The following AHCTF1 variants were observed in gnomAD, a reference collection of about 807,000 sequenced individuals.
AHCTF1 encodes AT-hook containing transcription factor 1, also known as protein ELYS.
A neutral mutation model predicts 248.4 loss-of-function variants in AHCTF1; 24 were observed. The observed-to-expected ratio is 0.10, with a 90% CI of 0.07 to 0.14. The LOEUF (loss-of-function observed/expected upper bound fraction) is 0.14, where lower values mean the gene tolerates loss of function less well. Ranked by LOEUF, AHCTF1 falls within the 10% of genes least tolerant of loss-of-function variation. AHCTF1 has a pLI of 1.00. For missense variants in AHCTF1, 2,206 were observed against 2,636.2 expected (o/e 0.84, Z 3.57); for synonymous variants, 786 against 929.8 (o/e 0.85, Z 2.81).
At chr1:246,843,718 AAT>A in intron 34 of AHCTF1, 75 bp downstream of exon 34, 2 of 1,003,566 alleles carry the variant, frequency 2.0e-6, no homozygotes, top group Non-Finnish European at 2.6e-6. Flanking sequence ...ATTTAAATAA[AAT>A]AATTTTATTA....
At chr1:246,931,442 C>G in intron 1 of AHCTF1, 136 bp downstream of exon 1, 1 of 1,357,412 alleles carries the variant, frequency 7.4e-7, no homozygotes, top group Non-Finnish European at 9.5e-7. Context: ...GCCCCGCGCA[C>G]GCCCGGCCTA....
intron 32 of AHCTF1, 38 bp downstream of exon 32, chr1:246,853,053 A>G: frequency 1.3e-6 from 2 of 1,510,814 alleles, no homozygotes; most frequent in Middle Eastern, 1.7e-4. Context: ...ACCAAAACTG[A>G]AAGACTGATA....
At chr1:246,903,652 A>AC (rs1038477874) in intron 7 of AHCTF1, among the ~76,000 whole-genome samples, 1,822 of 88,342 alleles carry the variant, frequency 0.021, 68 homozygotes, top group African/African-American at 0.038. Context: ...AGATGGTGAG[A>AC]CCCCCCCCCC....
intron 35 of AHCTF1, 24 bp downstream of exon 35, chr1:246,842,670 C>A (rs780171920): frequency 7.5e-6 from 12 of 1,604,700 alleles, no homozygotes; most frequent in South Asian, 6.6e-5. Context: ...ATCAATCAAT[C>A]AAGAACAGAA....
At chr1:246,881,115 C>T (rs1228001838) in intron 21 of AHCTF1, among the ~76,000 whole-genome samples, 3 of 152,066 alleles carry the variant, frequency 2.0e-5, no homozygotes, top group African/African-American at 4.8e-5. Flanking sequence ...CCACTGATTT[C>T]TAGTGACTGG....
intron 4 of AHCTF1, among the ~76,000 whole-genome samples, chr1:246,908,983 T>C (rs1665593165): frequency 6.6e-6 from 1 of 151,520 alleles, no homozygotes; most frequent in South Asian, 2.1e-4. Context: ...CAGTATTCCC[T>C]CTCATTATTT....
In AHCTF1 at chr1:246,850,356, T is replaced by C; in HGVS notation, c.5650A>G (p.Ser1884Gly). Residue 1884 changes from serine to glycine, a missense_variant, in exon 33 of 36, where the codon AGT becomes GGT. Around this residue, in one of 6 missense-constraint regions of AHCTF1, gnomAD observed 469 missense variants for 470.0 expected, o/e 1.00. Transcript: ENST00000648844. ...TTTAGATCATTTATAATTTCAACAC[T>C]TTCCTGATTTTCTACAGATCTTTTA... Reference protein sequence around the residue: ...RIKRSVENQESVEIINDLKVS... With the variant: ...RIKRSVENQEGVEIINDLKVS... The C allele has an allele frequency of 5.0e-6, 8 of 1,611,752 alleles. No homozygotes were observed. Among genetic ancestry groups the C allele is most frequent in the Non-Finnish European group, 6.8e-6 (8 of 1,178,622 alleles).
intron 21 of AHCTF1, among the ~76,000 whole-genome samples, chr1:246,881,209 T>A (rs183940591): frequency 4.2e-4 from 64 of 152,244 alleles, no homozygotes; most frequent in African/African-American, 1.5e-3. Context: ...CAAGTATTCA[T>A]AATAAAGAAG....
At chr1:246,923,369 TG>T (rs1418936974) in intron 1 of AHCTF1, among the ~76,000 whole-genome samples, 2 of 151,982 alleles carry the variant, frequency 1.3e-5, no homozygotes, top group Non-Finnish European at 2.9e-5. Context: ...GGGCCAAAAT[TG>T]TGCCACTGCA....
At chr1:246,859,000 G>A (rs993886717) in intron 29 of AHCTF1, among the ~76,000 whole-genome samples, 1 of 152,154 alleles carries the variant, frequency 6.6e-6, no homozygotes, top group South Asian at 2.1e-4. Flanking sequence ...GCTGAGGCAA[G>A]AGAAGAGGTT....
chr1:246,867,390 G>T, intron 25 of AHCTF1, 39 bp from the exon 26 acceptor site: 1 of 1,339,668 alleles, frequency 7.5e-7, no homozygotes, highest in South Asian at 1.4e-5. Context: ...GTATCACAAG[G>T]AGCACTGATA....
chr1:246,907,928 C>A (rs1665510004), intron 4 of AHCTF1, among the ~76,000 whole-genome samples, 170 bp from the exon 5 acceptor site: 1 of 152,104 alleles, frequency 6.6e-6, no homozygotes, highest in Admixed American at 6.5e-5. Flanking sequence ...AAATTGCCAT[C>A]CTTATCTATT....
chr1:246,876,042 C>T lies in AHCTF1; in HGVS notation c.3083G>A (p.Arg1028Gln), dbSNP rs1347480235. 1.1e-5 allele frequency: 17 copies of T among 1,587,920 alleles called. 1 individual carries two copies. Among genetic ancestry groups the T allele is most frequent in the Non-Finnish European group, 9.4e-6 (11 of 1,167,886 alleles). The change falls in exon 24 of 36, where the codon CGA becomes CAA. Residue 1028 changes from arginine (R) to glutamine (Q), a missense_variant. By Grantham distance (43) the Arg-to-Gln change is conservative. Around this residue, in one of 6 missense-constraint regions of AHCTF1, gnomAD observed 955 missense variants for 1,055.6 expected, o/e 0.90. Coordinates refer to ENST00000648844, the MANE Select transcript of AHCTF1 (RefSeq NM_001323342.2). ...TTCTTCAATGAAATTCTTACCTAATCGAAAAACTGATGATGTTGACAGATG... is the reference window on the plus strand; with the variant it reads ...TTCTTCAATGAAATTCTTACCTAATTGAAAAACTGATGATGTTGACAGATG... ...PYHLSTSSVF[R>Q]LVSRPKPLSA... is the part of the protein sequence containing the mutation.
intron 1 of AHCTF1, among the ~76,000 whole-genome samples, chr1:246,919,806 CAAAGAATTCTT>C (rs1666397377): frequency 6.6e-6 from 1 of 151,664 alleles, no homozygotes; most frequent in African/African-American, 2.4e-5. Flanking sequence ...TCTGGAATCT[CAAAGAATTCTT>C]AAAGAATTCT....
intron 1 of AHCTF1, among the ~76,000 whole-genome samples, chr1:246,921,783 A>G (rs530483687): frequency 3.9e-5 from 6 of 152,350 alleles, no homozygotes; most frequent in Middle Eastern, 3.4e-3. Context: ...AGGATCCTTA[A>G]CAAATACGAA....
intron 1 of AHCTF1, among the ~76,000 whole-genome samples, chr1:246,926,549 G>T (rs557293266): frequency 6.9e-4 from 105 of 152,232 alleles, no homozygotes; most frequent in African/African-American, 2.5e-3. Context: ...AGAGAACATC[G>T]AAACACTCTA....
Position 246,888,536 on chromosome 1 carries a change from T to C in AHCTF1, c.2145-19A>G, listed in dbSNP as rs771006965. On this transcript the variant is annotated intron_variant, in intron 17 of 35. Coordinates refer to ENST00000648844, the MANE Select transcript of AHCTF1 (RefSeq NM_001323342.2). ...CTTCCCTCTGCAATCAGGGAAAAATTAAGACTTATTTAATATCACTGTTAA... is the reference window on the plus strand; with the variant it reads ...CTTCCCTCTGCAATCAGGGAAAAATCAAGACTTATTTAATATCACTGTTAA... 4 of 1,612,374 alleles carry C rather than the reference T, an allele frequency of 2.5e-6. No homozygotes were observed. The highest frequency in any genetic ancestry group is 1.7e-5 in the Admixed American group (1 of 59,668).
intron 33 of AHCTF1, among the ~76,000 whole-genome samples, chr1:246,844,814 T>C (rs1218267676): frequency 6.6e-6 from 1 of 152,010 alleles, no homozygotes; most frequent in Non-Finnish European, 1.5e-5. Flanking sequence ...ACTTTTTTTT[T>C]TTTTTTTAAC....
At chr1:246,893,218 T>TA in intron 14 of AHCTF1, among the ~76,000 whole-genome samples, 1 of 152,332 alleles carries the variant, frequency 6.6e-6, no homozygotes, top group Middle Eastern at 3.4e-3. Flanking sequence ...AAACACCTGA[T>TA]AGTGTTCTTA....
Sources: allele counts gnomAD v4.1 joint callset (sites outside exome capture counted in the v4.1 genomes callset), GRCh38; gene constraint gnomAD v4.1.1; regional missense constraint gnomAD v4.1.1; transcripts MANE v1.5; gene names NCBI Gene and HGNC (gene_info 2026-07-23, HGNC 2026-07-21).